Variants in CPNE4 observed in about 807,000 individuals in gnomAD.
CPNE4 encodes copine 4, also known as copine-4.
In CPNE4, 25 loss-of-function variants were observed where a neutral mutation model predicts 67.9. The ratio of observed to expected loss-of-function variants is 0.37; its 90% confidence interval spans 0.27 to 0.51. CPNE4 has a LOEUF of 0.51. Among genes scored for constraint, CPNE4 ranks in the 20% least tolerant of loss-of-function variants. The pLI is 0.93. For synonymous variants in CPNE4, 242 were observed against 244.9 expected (o/e 0.99, Z 0.11); for missense variants, 464 against 690.8 (o/e 0.67, Z 3.68).
At chr3:131,643,350 A>AT (rs1169387304) in intron 7 of CPNE4, among the ~76,000 whole-genome samples, 1 of 152,150 alleles carries the variant, frequency 6.6e-6, no homozygotes, top group Non-Finnish European at 1.5e-5. Flanking sequence ...GCCCTTTTGG[A>AT]TTTTGGACTT....
intron 2 of CPNE4, among the ~76,000 whole-genome samples, chr3:131,821,198 A>G (rs2084947657): frequency 6.6e-6 from 1 of 152,230 alleles, no homozygotes; most frequent in South Asian, 2.1e-4. Context: ...AGAGTAATGT[A>G]TTTTGAGGCA....
chr3:131,963,168 C>T (rs1232005282), intron 1 of CPNE4, among the ~76,000 whole-genome samples: 1 of 152,036 alleles, frequency 6.6e-6, no homozygotes, highest in African/African-American at 2.4e-5. Flanking sequence ...GCCCCCCTCC[C>T]TCAGCCAAAG....
intron 1 of CPNE4, among the ~76,000 whole-genome samples, chr3:132,008,437 C>T (rs1347940769): frequency 6.6e-6 from 1 of 152,096 alleles, no homozygotes; most frequent in Non-Finnish European, 1.5e-5. Flanking sequence ...CATAATATAG[C>T]TATTATTCCT....
intron 1 of CPNE4, among the ~76,000 whole-genome samples, chr3:131,962,850 G>C (rs1031547417): frequency 4.6e-5 from 7 of 151,954 alleles, no homozygotes; most frequent in Admixed American, 6.6e-5. Context: ...CCTACACCCT[G>C]CTTAGAATAA....
At chr3:131,588,911 C>T (rs557208347) in intron 7 of CPNE4, among the ~76,000 whole-genome samples, 45 of 152,288 alleles carry the variant, frequency 3.0e-4, no homozygotes, top group African/African-American at 1.1e-3. Context: ...CTCACTTGTA[C>T]TCCTATCCCC....
In CPNE4 at chr3:131,895,089, T is replaced by C. The variant is rs1372040599; in HGVS notation, c.180+10175A>G. On this transcript the variant is annotated intron_variant, in intron 2 of 15. Coordinates refer to ENST00000429747, the MANE Select transcript of CPNE4 (RefSeq NM_130808.3). ...ATGGATGAACCTGGAGAACTTCATA[T>C]TAAGTGAAATAAGCCAGGCACAGAA... Among the ~76,000 whole-genome samples, 3 of 152,208 alleles carry C rather than the reference T, an allele frequency of 2.0e-5. No homozygotes were observed. In the East Asian group the frequency reaches 5.8e-4, roughly 29 times the overall value.
chr3:131,895,121 T>C (rs1374118927), intron 2 of CPNE4, among the ~76,000 whole-genome samples: 1 of 152,020 alleles, frequency 6.6e-6, no homozygotes, highest in African/African-American at 2.4e-5. Flanking sequence ...AGAAAGACAC[T>C]GTCTAATCTT....
intron 2 of CPNE4, among the ~76,000 whole-genome samples, chr3:131,814,658 G>T (rs1018595256): frequency 1.7e-5 from 2 of 116,910 alleles, no homozygotes; most frequent in East Asian, 2.5e-4. Context: ...AGGCTGGAGT[G>T]CAGTGGCGGG....
intron 7 of CPNE4, among the ~76,000 whole-genome samples, chr3:131,656,398 A>G (rs1399183530): frequency 1.3e-5 from 2 of 152,182 alleles, no homozygotes; most frequent in African/African-American, 4.8e-5. Context: ...TAGCATCGAT[A>G]TATGTGGAGA....
At chr3:131,647,900 G>C (rs1297211443) in intron 7 of CPNE4, among the ~76,000 whole-genome samples, 2 of 151,990 alleles carry the variant, frequency 1.3e-5, no homozygotes, top group Non-Finnish European at 2.9e-5. Flanking sequence ...TGCATTTCAG[G>C]CCTCTTCATC....
At chr3:131,735,015 T>C (rs2082203956) in intron 2 of CPNE4, among the ~76,000 whole-genome samples, 1 of 152,214 alleles carries the variant, frequency 6.6e-6, no homozygotes, top group African/African-American at 2.4e-5. Context: ...AAACTGCTTA[T>C]TTCACAGCTT....
intron 7 of CPNE4, among the ~76,000 whole-genome samples, chr3:131,598,852 C>T (rs577991583): frequency 1.3e-5 from 2 of 148,848 alleles, no homozygotes; most frequent in African/African-American, 5.0e-5. Context: ...TCCCCCCACC[C>T]CCCCGCCAAA....
At chr3:131,928,473 C>G (rs1583466907) in intron 1 of CPNE4, among the ~76,000 whole-genome samples, 1 of 152,168 alleles carries the variant, frequency 6.6e-6, no homozygotes, top group African/African-American at 2.4e-5. Context: ...CAGTGACCCC[C>G]AATGCCTTTT....
intron 1 of CPNE4, among the ~76,000 whole-genome samples, chr3:131,932,807 C>A (rs1334702772): frequency 1.3e-5 from 2 of 152,026 alleles, no homozygotes; most frequent in African/African-American, 2.4e-5. Context: ...CATCTGAGGT[C>A]AGGAGTTCGA....
intron 7 of CPNE4, among the ~76,000 whole-genome samples, chr3:131,630,687 T>C (rs2079197739): frequency 6.6e-6 from 1 of 152,248 alleles, no homozygotes; most frequent in Admixed American, 6.5e-5. Flanking sequence ...GGTGACCATA[T>C]TGAATGGAAC....
intron 7 of CPNE4, among the ~76,000 whole-genome samples, chr3:131,652,058 A>T (rs2079827109): frequency 6.6e-6 from 1 of 152,030 alleles, no homozygotes; most frequent in South Asian, 2.1e-4. Context: ...TATCATTTTT[A>T]GCTTACTTGT....
intron 1 of CPNE4, among the ~76,000 whole-genome samples, chr3:131,973,576 G>C (rs2072560618): frequency 5.3e-5 from 8 of 152,314 alleles, no homozygotes; most frequent in African/African-American, 1.9e-4. Flanking sequence ...AAAAGTTTAA[G>C]TAATTTTTTC....
intron 1 of CPNE4, among the ~76,000 whole-genome samples, chr3:132,005,734 G>A (rs534629367): frequency 4.0e-5 from 6 of 151,460 alleles, no homozygotes; most frequent in South Asian, 2.1e-4. Context: ...TGGAACCTAC[G>A]TATAAAAAAG....
intron 2 of CPNE4, among the ~76,000 whole-genome samples, chr3:131,792,728 T>A (rs13074303): frequency 1.1e-5 from 1 of 93,552 alleles, no homozygotes; most frequent in Non-Finnish European, 2.3e-5. Context: ...TGTATATATA[T>A]ACACGTGTGT....
Sources: gnomAD v4.1 joint callset for allele counts (sites outside exome capture counted in the v4.1 genomes callset) on GRCh38, gnomAD v4.1.1 for gene constraint, MANE v1.5 for transcripts, NCBI Gene and HGNC (gene_info 2026-07-23, HGNC 2026-07-21) for gene names.